Variants in SLC43A2 observed in about 807,000 individuals in gnomAD.
SLC43A2 encodes solute carrier family 43 member 2, also known as large neutral amino acids transporter small subunit 4.
Under a neutral mutation model 63.2 loss-of-function variants are expected in SLC43A2, and 38 were observed. The observed-to-expected ratio is 0.60, with a 90% CI of 0.46 to 0.79. The LOEUF is 0.79. SLC43A2 is among the 30% of genes least tolerant of loss of function. The probability of loss-of-function intolerance (pLI) is 0.00; values close to 1 mark genes in which losing one functional copy is unlikely to be tolerated. For missense variants in SLC43A2, 644 were observed against 756.2 expected (o/e 0.85, Z 1.74); for synonymous variants, 322 against 331.0 (o/e 0.97, Z 0.30).
rs1904719777 is a variant in SLC43A2 at position 1,591,038 on chromosome 17, AGGGG to A, written c.932-94_932-91del. 31 of 1,436,060 alleles carry A rather than the reference AGGGG, an allele frequency of 2.2e-5. No homozygotes were observed. In the South Asian group the frequency reaches 3.9e-4, roughly 18 times the overall value. 89.0% of individuals were successfully genotyped at this position (1,436,060 alleles called of 1,614,324 possible). ...AGATCCCTCCACGCTGGAGGCCAGG[AGGGG>A]GCCCTCGGGACGGGCCTGGTGAGGG... is the stretch of plus-strand genomic sequence containing the variant. On this transcript the variant is annotated intron_variant, in intron 8 of 13. Transcript: ENST00000301335.
intron 5 of SLC43A2, among the ~76,000 whole-genome samples, chr17:1,598,437 G>A (rs1032292080): frequency 6.6e-6 from 1 of 151,520 alleles, no homozygotes; most frequent in Admixed American, 6.6e-5. Flanking sequence ...AAAAAAAAGG[G>A]AGGCCCAGAG....
At chr17:1,626,307 G>A (rs11651656) in intron 2 of SLC43A2, among the ~76,000 whole-genome samples, 25,692 of 151,568 alleles carry the variant, frequency 0.17, 2,296 homozygotes, top group South Asian at 0.22. Context: ...TGTGCCTTTC[G>A]GGGACAGGCA....
Position 1,591,594 on chromosome 17 carries a change from A to G in SLC43A2, c.700T>C (p.Phe234Leu). The change falls in exon 7 of 14, where the codon TTC (phenylalanine) becomes CTC (leucine). Residue 234 changes from phenylalanine (F) to leucine (L), a missense_variant. Physicochemically the swap from Phe to Leu is conservative, Grantham distance 22 (BLOSUM62 0). This residue lies in a region of SLC43A2 where 528 missense variants were observed against 623.6 expected (regional missense o/e 0.85). Coordinates refer to ENST00000301335, the MANE Select transcript of SLC43A2 (RefSeq NM_152346.3). Reference sequence around the variant, plus strand: ...TAGTCCATGTCCTCCGGCCCCGGGAAGGGCTCAAGGGGCCAGTTAAAGAAG... The same window carrying G: ...TAGTCCATGTCCTCCGGCCCCGGGAGGGGCTCAAGGGGCCAGTTAAAGAAG... ...NCFFNWPLEP[F>L]PGPEDMDYSV... is the part of the protein sequence containing the mutation. 1 of 1,549,642 alleles carries G rather than the reference A, an allele frequency of 6.5e-7. No homozygotes were observed. Among genetic ancestry groups the G allele is most frequent in the South Asian group, 1.2e-5 (1 of 84,084 alleles).
intron 9 of SLC43A2, chr17:1,586,928 T>TTGGC: frequency 4.9e-6 from 6 of 1,232,916 alleles, no homozygotes; most frequent in Non-Finnish European, 6.7e-6. Flanking sequence ...TCCCTGACAA[T>TTGGC]CCCCCCCACC....
rs1167305329 is a variant in SLC43A2, at chr17:1,570,487, G to GT, written c.*5116dup. Reference sequence around the variant, plus strand: ...GGGCACTGAAAACGATGCTACCATTGTTTTTTTTTTTTTTTTTGAGACGGA... The same window carrying GT: ...GGGCACTGAAAACGATGCTACCATTGTTTTTTTTTTTTTTTTTTGAGACGGA... On this transcript the variant is annotated 3_prime_UTR_variant, in exon 14 of 14. Coordinates refer to ENST00000301335, the MANE Select transcript of SLC43A2 (RefSeq NM_152346.3). The GT allele has an allele frequency of 0.016, 2,203 of 134,256 alleles. 34 individuals are homozygous for GT. Among genetic ancestry groups the GT allele is most frequent in the African/African-American group, 0.024 (866 of 36,474 alleles). 8.3% of individuals were successfully genotyped at this position (134,256 alleles called of 1,614,324 possible). A position where few individuals can be genotyped will look rare whatever the true frequency, so the allele number is the denominator to read the frequency against.
intron 5 of SLC43A2, among the ~76,000 whole-genome samples, chr17:1,597,262 T>C (rs1905381756): frequency 6.6e-6 from 1 of 151,388 alleles, no homozygotes. Flanking sequence ...CCCAGCACTT[T>C]GGGAGGCCGA....
chr17:1,609,391 G>A (rs575105052), intron 5 of SLC43A2, among the ~76,000 whole-genome samples: 1 of 151,960 alleles, frequency 6.6e-6, no homozygotes, highest in Non-Finnish European at 1.5e-5. Context: ...TAGTAGAGAC[G>A]GGGTTTCACC....
chr17:1,626,582 A>T (rs777592279), intron 2 of SLC43A2, among the ~76,000 whole-genome samples: 4 of 152,244 alleles, frequency 2.6e-5, no homozygotes, highest in Non-Finnish European at 4.4e-5. Flanking sequence ...AGAGACTGGG[A>T]CACACAGGAA....
Position 1,591,286 on chromosome 17 carries a change from C to T in SLC43A2, c.914G>A (p.Cys305Tyr). Residue 305 changes from cysteine (C) to tyrosine (Y), a missense_variant, in exon 8 of 14, where the codon TGC becomes TAC. Transcript: ENST00000301335. ...CLSTVDLEVKCQPDAAVAPSF... is the reference protein window; with the variant it reads ...CLSTVDLEVKYQPDAAVAPSF... The stretch of plus-strand genomic sequence containing the variant: ...GCGGGTACCTGCGGCATCCGGCTGG[C>T]ACTTCACCTCCAGGTCGACGGTGGA... 6.2e-7 allele frequency: 1 copy of T among 1,605,120 alleles called. No homozygotes were observed. The highest frequency in any genetic ancestry group is 1.1e-5 in the South Asian group (1 of 91,072).
At chr17:1,609,176 C>T (rs538501620) in intron 5 of SLC43A2, among the ~76,000 whole-genome samples, 2 of 152,268 alleles carry the variant, frequency 1.3e-5, no homozygotes, top group African/African-American at 2.4e-5. Context: ...AAAAGACACT[C>T]GTGTACGTGC....
intron 11 of SLC43A2, among the ~76,000 whole-genome samples, chr17:1,580,324 G>A (rs2075992903): frequency 6.6e-6 from 1 of 152,188 alleles, no homozygotes; most frequent in Non-Finnish European, 1.5e-5. Flanking sequence ...GTGAGTGCAT[G>A]TGCACCGTGG....
chr17:1,627,661 C>CCCCCCCAAA, intron 2 of SLC43A2, 54 bp downstream of exon 2: 1 of 849,898 alleles, frequency 1.2e-6, no homozygotes, highest in Non-Finnish European at 1.7e-6. Context: ...CATCCCGCCC[C>CCCCCCCAAA]CTCCCAAAGC....
chr17:1,585,560 T>C, intron 10 of SLC43A2: 2 of 780,448 alleles, frequency 2.6e-6, no homozygotes, highest in Middle Eastern at 1.1e-3. Flanking sequence ...TTTAAATTTT[T>C]TGTAGAGACG....
In SLC43A2 at chr17:1,583,309, G is replaced by A; in HGVS notation, c.1245C>T (p.Asp415=). 1 of 1,614,178 alleles carries A rather than the reference G, an allele frequency of 6.2e-7. No homozygotes were observed. The highest frequency in any genetic ancestry group is 1.1e-5 in the South Asian group (1 of 91,084). Residue 415 remains aspartate, a synonymous_variant, in exon 11 of 14, where the codon GAC becomes GAT. Transcript: ENST00000301335. This position sits in a 1 kb window ranked among gnomAD's most constrained non-coding sequence, Gnocchi z 5.5. ...NQGEKKKKKR[D]RQIQKITNAM... ...CATTAGTGATCTTCTGGATCTGCCG[G>A]TCCCGCTTCTTCTTTTTCTTCTCGC...
chr17:1,587,091 C>CGTTTCCCGCACCGT, intron 9 of SLC43A2: 3 of 1,063,606 alleles, frequency 2.8e-6, no homozygotes, highest in Non-Finnish European at 4.1e-6. Flanking sequence ...TCCCACACTG[C>CGTTTCCCGCACCGT]GTTTCCCGCA....
intron 4 of SLC43A2, among the ~76,000 whole-genome samples, chr17:1,613,613 C>T (rs909272257): frequency 4.6e-5 from 7 of 152,138 alleles, no homozygotes; most frequent in Non-Finnish European, 4.4e-5. Flanking sequence ...CCACCACACC[C>T]GGCTAATTTT....
intron 2 of SLC43A2, among the ~76,000 whole-genome samples, chr17:1,618,156 C>T (rs974914182): frequency 2.0e-5 from 3 of 152,228 alleles, no homozygotes; most frequent in East Asian, 1.9e-4. Flanking sequence ...CAGGTGGACT[C>T]GTGCTTCATG....
rs150883334 is a variant in SLC43A2, at chr17:1,593,384, G to T, written c.502-105C>A. ...CCCATGAGGCCCCTTCTTCACCTGCGCCCCTTCCTGTGTGACTCACAGGGG... is the reference window on the plus strand; with the variant it reads ...CCCATGAGGCCCCTTCTTCACCTGCTCCCCTTCCTGTGTGACTCACAGGGG... On this transcript the variant is annotated intron_variant, in intron 5 of 13. Coordinates refer to ENST00000301335, the MANE Select transcript of SLC43A2 (RefSeq NM_152346.3). This position sits in a 1 kb window ranked among gnomAD's most constrained non-coding sequence, Gnocchi z 5.3. 4.0e-3 allele frequency: 3,988 copies of T among 996,860 alleles called. 13 individuals carry two copies. Among genetic ancestry groups the T allele is most frequent in the Non-Finnish European group, 5.2e-3 (3,362 of 648,228 alleles). 61.8% of individuals were successfully genotyped at this position (996,860 alleles called of 1,614,324 possible). A position where few individuals can be genotyped will look rare whatever the true frequency, so the allele number is the denominator to read the frequency against.
chr17:1,616,857 C>T, intron 2 of SLC43A2, 88 bp from the exon 3 acceptor site: 1 of 1,462,660 alleles, frequency 6.8e-7, no homozygotes, highest in Non-Finnish European at 9.3e-7. Flanking sequence ...TCAGAGTCCC[C>T]CCACTGGGAA....
Sources: allele counts gnomAD v4.1 joint callset (sites outside exome capture counted in the v4.1 genomes callset), GRCh38; gene constraint gnomAD v4.1.1; regional missense constraint gnomAD v4.1.1; non-coding constraint Gnocchi (gnomAD v3.1); transcripts MANE v1.5; gene names NCBI Gene and HGNC (gene_info 2026-07-23, HGNC 2026-07-21).